Variants in ZBP1 observed in about 807,000 individuals in gnomAD.
ZBP1 encodes the protein Z-DNA-binding protein 1.
In ZBP1, 42 loss-of-function variants were observed where a neutral mutation model predicts 41.1. The ratio of observed to expected loss-of-function variants is 1.02; its 90% confidence interval spans 0.80 to 1.32. The LOEUF is 1.32. Ranked by LOEUF, ZBP1 falls within the 40% of genes most tolerant of loss-of-function variation. The pLI is 0.00. For synonymous variants in ZBP1, 214 were observed against 205.2 expected, an observed-to-expected ratio of 1.04 and a Z score of -0.37; for missense variants, 562 against 549.7, an observed-to-expected ratio of 1.02 and a Z score of -0.22.
chr20:57,615,494 G>A lies in ZBP1; in HGVS notation c.328+18C>T, dbSNP rs780277027. The A allele has an allele frequency of 6.2e-7, 1 of 1,612,918 alleles. No individual in the cohort carries two copies. Among genetic ancestry groups the A allele is most frequent in the East Asian group, 2.2e-5 (1 of 44,866 alleles). ...GGATCCTGTGTCCCGGGAACTGAAG[G>A]GACATGCAAAAACTTACCCCGTTGT... On this transcript the variant is annotated intron_variant, in intron 3 of 7. Coordinates refer to ENST00000371173, the MANE Select transcript of ZBP1 (RefSeq NM_030776.3).
rs567321818 is a variant in ZBP1, at chr20:57,604,293, C to T, written c.*280G>A. The T allele has an allele frequency of 4.6e-5, 27 of 590,336 alleles. No homozygotes were observed. Among genetic ancestry groups the T allele is most frequent in the Non-Finnish European group, 7.6e-5 (24 of 314,372 alleles). The allele number at this position is 590,336 out of a possible 1,614,324, so 36.6% of individuals were successfully genotyped here. A position where few individuals can be genotyped will look rare whatever the true frequency, so the allele number is the denominator to read the frequency against. On this transcript the variant is annotated 3_prime_UTR_variant, in exon 8 of 8. Coordinates refer to ENST00000371173, the MANE Select transcript of ZBP1 (RefSeq NM_030776.3). ...CCCAGGAAAGAGTGGAGAGAGTCCC[C>T]TGGGCCTGGGGGACCGAGCCCCACT...
intron 7 of ZBP1, among the ~76,000 whole-genome samples, chr20:57,607,862 C>T (rs940741074): frequency 2.6e-5 from 4 of 152,138 alleles, no homozygotes; most frequent in African/African-American, 7.2e-5. Context: ...TTAGATATAA[C>T]GTGATTCAGT....
intron 7 of ZBP1, among the ~76,000 whole-genome samples, chr20:57,605,352 G>A (rs899485360): frequency 6.6e-6 from 1 of 152,186 alleles, no homozygotes; most frequent in Non-Finnish European, 1.5e-5. Context: ...AGCAGCATAT[G>A]CTCACTTCCT....
At chr20:57,612,410 C>A (rs1011063667) in intron 5 of ZBP1, among the ~76,000 whole-genome samples, 6 of 152,178 alleles carry the variant, frequency 3.9e-5, no homozygotes, top group Non-Finnish European at 8.8e-5. Flanking sequence ...AATAATCAGA[C>A]ATGGGTATGG....
chr20:57,611,331 G>A (rs1021200029), intron 6 of ZBP1, among the ~76,000 whole-genome samples: 10 of 151,272 alleles, frequency 6.6e-5, no homozygotes, highest in African/African-American at 2.4e-4. Context: ...TGCAACCTCT[G>A]CCTCCCAGGT....
Position 57,613,460 on chromosome 20 carries a change from C to A in ZBP1, c.503-130G>T. The A allele has an allele frequency of 4.1e-6, 4 of 983,114 alleles. No homozygotes were observed. In the South Asian group the frequency reaches 6.1e-5, roughly 15 times the overall value. The allele number at this position is 983,114 out of a possible 1,614,324, so 60.9% of individuals were successfully genotyped here. On this transcript the variant is annotated intron_variant, in intron 4 of 7. Coordinates refer to ENST00000371173, the MANE Select transcript of ZBP1 (RefSeq NM_030776.3). The surrounding 1 kb of genome is among the most constrained non-coding windows in gnomAD (Gnocchi z 4.5). ...CCCTGGGCGTTCCGAGTCAGTAGGG[C>A]CAAGTGGGAGGCCAGAGCTGGGTGT...
Position 57,610,526 on chromosome 20 carries a change from G to T in ZBP1, c.875-159C>A. The T allele has an allele frequency of 1.5e-6, 1 of 678,314 alleles. No homozygotes were observed. The highest frequency in any genetic ancestry group is 2.5e-6 in the Non-Finnish European group (1 of 398,288). The allele number at this position is 678,314 out of a possible 1,614,324, so 42.0% of individuals were successfully genotyped here. A position where few individuals can be genotyped will look rare whatever the true frequency, so the allele number is the denominator to read the frequency against. On this transcript the variant is annotated intron_variant, in intron 6 of 7. Coordinates refer to ENST00000371173, the MANE Select transcript of ZBP1 (RefSeq NM_030776.3). The surrounding 1 kb of genome is among the most constrained non-coding windows in gnomAD (Gnocchi z 5.5). ...GTGCCTGCCCGCCACACCTCCACCC[G>T]CCACACCTCCGCTCGTGCTGTTGTG...
intron 7 of ZBP1, chr20:57,606,961 G>A (rs557471194): frequency 1.5e-4 from 179 of 1,190,328 alleles, no homozygotes; most frequent in Non-Finnish European, 1.8e-4. Flanking sequence ...CACGGGCTCT[G>A]ATGGAGATGT....
intron 4 of ZBP1, 54 bp downstream of exon 4, chr20:57,614,833 C>A: frequency 6.2e-7 from 1 of 1,602,410 alleles, no homozygotes; most frequent in Non-Finnish European, 8.5e-7. Context: ...AAAGACCAAG[C>A]ACTAGTGTCA....
chr20:57,610,625 G>A lies in ZBP1; in HGVS notation c.875-258C>T, dbSNP rs745882040. ...CCCACTGATCCCGCCCGGCTGATCT[G>A]GACGTCAGTGTCTTCCTCTGGGATT... On this transcript the variant is annotated intron_variant, in intron 6 of 7. Transcript: ENST00000371173. The surrounding 1 kb of genome is among the most constrained non-coding windows in gnomAD (Gnocchi z 5.5). 2.4e-4 allele frequency: 134 copies of A among 553,020 alleles called. 1 individual carries two copies. Among genetic ancestry groups the A allele is most frequent in the Non-Finnish European group, 3.7e-4 (114 of 307,862 alleles). 34.3% of individuals were successfully genotyped at this position (553,020 alleles called of 1,614,324 possible). A position where few individuals can be genotyped will look rare whatever the true frequency, so the allele number is the denominator to read the frequency against.
chr20:57,618,989 G>C (rs2070923876), intron 1 of ZBP1, among the ~76,000 whole-genome samples: 1 of 152,262 alleles, frequency 6.6e-6, no homozygotes, highest in Non-Finnish European at 1.5e-5. Flanking sequence ...ACTGGCCCTG[G>C]GCTGGCCTCG....
Position 57,613,857 on chromosome 20 carries a change from A to G in ZBP1, c.503-527T>C, listed in dbSNP as rs151162918. On this transcript the variant is annotated intron_variant, in intron 4 of 7. Transcript: ENST00000371173. The surrounding 1 kb of genome is among the most constrained non-coding windows in gnomAD (Gnocchi z 4.5). The stretch of plus-strand genomic sequence containing the variant: ...GCTGAGACCCCCTCGGGCACCCGTC[A>G]TGAGTAGCAGAGTCAGCCCTGCAGA... Among the ~76,000 whole-genome samples, 731 of 152,334 alleles carry G rather than the reference A, an allele frequency of 4.8e-3. 6 individuals carry two copies. Among genetic ancestry groups the G allele is most frequent in the African/African-American group, 0.017 (701 of 41,574 alleles).
In ZBP1 at chr20:57,615,537, AG is replaced by A; in HGVS notation, c.302del (p.Pro101LeufsTer34). 6.2e-7 allele frequency: 1 copy of A among 1,613,220 alleles called. No homozygotes were observed. The highest frequency in any genetic ancestry group is 8.5e-7 in the Non-Finnish European group (1 of 1,179,742). ...QQHAATIPET[P>X]GPQFSQQREE... ...CCCGTTGTTGGCTGAACTGAGGGCCAGGGGTCTCTGGAATTGTAGCTGCATG... is the reference window on the plus strand; with the variant it reads ...CCCGTTGTTGGCTGAACTGAGGGCCAGGGTCTCTGGAATTGTAGCTGCATG... On this transcript the variant is annotated frameshift_variant, in exon 3 of 8. Transcript: ENST00000371173. LOFTEE classifies it high-confidence loss of function.
intron 7 of ZBP1, among the ~76,000 whole-genome samples, chr20:57,606,452 C>T (rs1178216695): frequency 1.3e-5 from 2 of 152,216 alleles, no homozygotes; most frequent in Non-Finnish European, 2.9e-5. Context: ...AGCAGGTTAC[C>T]CGGAAGCTCT....
At position 57,615,433 on chromosome 20, in the gene ZBP1, G is replaced by C. The variant is rs905447545; in HGVS notation, c.328+79C>G. On this transcript the variant is annotated intron_variant, in intron 3 of 7. Transcript: ENST00000371173. Reference sequence around the variant, plus strand: ...GGCCCCTGAACACTGGTGAGATCTTGTACCCTCAAGGAGGGCCTGGGGTTC... The same window carrying C: ...GGCCCCTGAACACTGGTGAGATCTTCTACCCTCAAGGAGGGCCTGGGGTTC... 3 of 1,481,496 alleles carry C rather than the reference G, an allele frequency of 2.0e-6. No homozygotes were observed. The South Asian group carries it at 3.4e-5, about 17-fold the overall frequency. The allele number at this position is 1,481,496 out of a possible 1,614,324, so 91.8% of individuals were successfully genotyped here.
chr20:57,615,543 C>T lies in ZBP1; in HGVS notation c.297G>A (p.Glu99=). The change falls in exon 3 of 8, where the codon GAG becomes GAA. Residue 99 remains glutamate, a synonymous_variant. Transcript: ENST00000371173. The stretch of plus-strand genomic sequence containing the variant: ...GTTGGCTGAACTGAGGGCCAGGGGT[C>T]TCTGGAATTGTAGCTGCATGTTGCT... The part of the protein sequence containing the change: ...RPQQHAATIP[E]TPGPQFSQQR... 2 of 1,613,054 alleles carry T rather than the reference C, an allele frequency of 1.2e-6. No homozygotes were observed. The highest frequency in any genetic ancestry group is 1.7e-6 in the Non-Finnish European group (2 of 1,179,668).
At position 57,604,607 on chromosome 20, in the gene ZBP1, G is replaced by A. The variant is rs1370084898; in HGVS notation, c.1256C>T (p.Ser419Leu). 2.0e-5 allele frequency: 32 copies of A among 1,614,058 alleles called. No homozygotes were observed. Among genetic ancestry groups the A allele is most frequent in the Non-Finnish European group, 2.7e-5 (32 of 1,180,014 alleles). The change falls in exon 8 of 8, where the codon TCA becomes TTA. Residue 419 changes from serine to leucine, a missense_variant. Coordinates refer to ENST00000371173, the MANE Select transcript of ZBP1 (RefSeq NM_030776.3). ...ACCTCCCCACCAGCTCCCCTCGTGT[G>A]AGGCTTCATCCACATAGTGGCTGCC... ...AEGSHYVDEA[S>L]HEGSWWGGGI is the part of the protein sequence containing the mutation.
At chr20:57,605,123 A>ACAAAG (rs1220236513) in intron 7 of ZBP1, among the ~76,000 whole-genome samples, 1 of 152,052 alleles carries the variant, frequency 6.6e-6, no homozygotes, top group Non-Finnish European at 1.5e-5. Context: ...ACAAAACAAA[A>ACAAAG]CAAAACAAAA....
In ZBP1 at chr20:57,619,836, ATTT is replaced by A. The variant is rs940213839; in HGVS notation, c.34+423_34+425del. Among the ~76,000 whole-genome samples, 303 of 134,240 alleles carry A rather than the reference ATTT, an allele frequency of 2.3e-3. 2 individuals carry two copies. The highest frequency in any genetic ancestry group is 7.7e-3 in the African/African-American group (283 of 36,718). 88.1% of individuals were successfully genotyped at this position (134,240 alleles called of 152,430 possible). On this transcript the variant is annotated intron_variant, in intron 1 of 7. Transcript: ENST00000371173. ...GGGGATGGCTATGCTGTCCCTTTCT[ATTT>A]TTTTTTTTTTTTTCTGAGATGGAAT...
Sources: gnomAD v4.1 joint callset for allele counts (sites outside exome capture counted in the v4.1 genomes callset) on GRCh38, gnomAD v4.1.1 for gene constraint, Gnocchi (gnomAD v3.1) non-coding constraint, MANE v1.5 for transcripts, NCBI Gene and HGNC (gene_info 2026-07-23, HGNC 2026-07-21) for gene names.